OSBPL6: variants seen among roughly 807,000 people sequenced by gnomAD.
The protein encoded by OSBPL6 is oxysterol-binding protein-related protein 6.
Under a neutral mutation model 125.8 loss-of-function variants are expected in OSBPL6, and 49 were observed. That is an observed-to-expected ratio of 0.39 (90% CI 0.31 to 0.49). The LOEUF (loss-of-function observed/expected upper bound fraction) is 0.49, where lower values mean the gene tolerates loss of function less well. Among genes scored for constraint, OSBPL6 ranks in the 20% least tolerant of loss-of-function variants. The probability of loss-of-function intolerance (pLI) is 0.88; values close to 1 mark genes in which losing one functional copy is unlikely to be tolerated. For missense variants in OSBPL6, 986 were observed against 1,135.4 expected (o/e 0.87, Z 1.89); for synonymous variants, 394 against 391.8 (o/e 1.01, Z -0.07).
intron 1 of OSBPL6, among the ~76,000 whole-genome samples, chr2:178,198,028 A>G (rs75575611): frequency 0.019 from 2,850 of 152,248 alleles, 85 homozygotes; most frequent in African/African-American, 0.065. Flanking sequence ...AAATGATATG[A>G]ACAGAAGTTG....
chr2:178,234,019 CT>C (rs1385774398), intron 1 of OSBPL6, among the ~76,000 whole-genome samples: 1 of 151,946 alleles, frequency 6.6e-6, no homozygotes, highest in Non-Finnish European at 1.5e-5. Context: ...CTTTATTCAG[CT>C]ATTTAATAAT....
At chr2:178,213,217 AC>A (rs898025119) in intron 1 of OSBPL6, among the ~76,000 whole-genome samples, 1 of 151,722 alleles carries the variant, frequency 6.6e-6, no homozygotes, top group Non-Finnish European at 1.5e-5. Context: ...CTCACTCCAT[AC>A]TGCCTCCCTG....
intron 1 of OSBPL6, among the ~76,000 whole-genome samples, chr2:178,278,818 A>G (rs1346300394): frequency 6.6e-6 from 1 of 152,216 alleles, no homozygotes; most frequent in African/African-American, 2.4e-5. Context: ...AAAAAAGCAA[A>G]ATGATTATCT....
At chr2:178,380,564 T>C (rs777469798) in intron 15 of OSBPL6, among the ~76,000 whole-genome samples, 5 of 150,814 alleles carry the variant, frequency 3.3e-5, no homozygotes, top group Non-Finnish European at 5.9e-5. Flanking sequence ...GAAAGATGGA[T>C]GATGTTCCCA....
chr2:178,208,946 G>T (rs1353592040), intron 1 of OSBPL6, among the ~76,000 whole-genome samples: 5 of 151,916 alleles, frequency 3.3e-5, no homozygotes. Context: ...TTCAAGGTTG[G>T]GAATAATTTT....
Position 178,324,216 on chromosome 2 carries a change from G to C in OSBPL6, c.142G>C (p.Glu48Gln), listed in dbSNP as rs138286651. ...ILERTASSST[E>Q]PSVSRQLLEP... ...GGAGAGGACTGCTTCCTCTAGCACC[G>C]AGCCCTCTGTAAGTCGGCAATTGCT... Residue 48 changes from glutamate to glutamine, a missense_variant, in exon 4 of 25, where the codon GAG becomes CAG. Coordinates refer to ENST00000190611, the MANE Select transcript of OSBPL6 (RefSeq NM_032523.4). 32 of 1,582,390 alleles carry C rather than the reference G, an allele frequency of 2.0e-5. No individual in the cohort carries two copies. The highest frequency in any genetic ancestry group is 2.6e-5 in the Non-Finnish European group (30 of 1,158,580).
At chr2:178,327,213 C>T (rs1688775594) in intron 4 of OSBPL6, among the ~76,000 whole-genome samples, 1 of 152,180 alleles carries the variant, frequency 6.6e-6, no homozygotes, top group Non-Finnish European at 1.5e-5. Context: ...GCCATTACTA[C>T]AATCTGAGTT....
rs1204524992 is a variant in OSBPL6 at position 178,395,979 on chromosome 2, TC to T, written c.*422del. 8 of 352,018 alleles carry T rather than the reference TC, an allele frequency of 2.3e-5. No homozygotes were observed. The highest frequency in any genetic ancestry group is 1.7e-4 in the African/African-American group (8 of 46,762). 21.8% of individuals were successfully genotyped at this position (352,018 alleles called of 1,614,324 possible). ...GAAGCACCATCCCCTATCGCAGGACTCCTGGGCCACAAGCAGTCGGTCAGTG... is the reference window on the plus strand; with the variant it reads ...GAAGCACCATCCCCTATCGCAGGACTCTGGGCCACAAGCAGTCGGTCAGTG... On this transcript the variant is annotated 3_prime_UTR_variant, in exon 25 of 25. Transcript: ENST00000190611.
chr2:178,286,290 A>G (rs1684689081), intron 2 of OSBPL6, among the ~76,000 whole-genome samples: 1 of 152,176 alleles, frequency 6.6e-6, no homozygotes, highest in Admixed American at 6.5e-5. Context: ...TGCATTCCCT[A>G]AATATTTAAC....
At chr2:178,317,633 A>G (rs778419735) in intron 3 of OSBPL6, among the ~76,000 whole-genome samples, 1 of 151,408 alleles carries the variant, frequency 6.6e-6, no homozygotes, top group Non-Finnish European at 1.5e-5. Context: ...AATATGATAT[A>G]TATATGAATG....
At chr2:178,333,449 G>C (rs181511567) in intron 8 of OSBPL6, among the ~76,000 whole-genome samples, 143 of 152,242 alleles carry the variant, frequency 9.4e-4, no homozygotes, top group African/African-American at 3.3e-3. Flanking sequence ...AGTCTCATTT[G>C]GGAAAACCAG....
chr2:178,207,771 G>A (rs940657822), intron 1 of OSBPL6, among the ~76,000 whole-genome samples: 5 of 152,134 alleles, frequency 3.3e-5, no homozygotes, highest in African/African-American at 1.2e-4. Flanking sequence ...TATTTTGAAA[G>A]AAACTTGAGG....
At chr2:178,327,373 A>T (rs917875129) in intron 4 of OSBPL6, among the ~76,000 whole-genome samples, 1 of 152,152 alleles carries the variant, frequency 6.6e-6, no homozygotes, top group African/African-American at 2.4e-5. Flanking sequence ...TAAAAATATT[A>T]TTCTTCCAGA....
chr2:178,378,991 C>A (rs767972600), intron 15 of OSBPL6, among the ~76,000 whole-genome samples: 2 of 151,832 alleles, frequency 1.3e-5, no homozygotes, highest in Non-Finnish European at 2.9e-5. Flanking sequence ...ACAGGGAGCC[C>A]CCACCTCTAC....
intron 1 of OSBPL6, among the ~76,000 whole-genome samples, chr2:178,269,460 G>A (rs1326295090): frequency 1.3e-5 from 2 of 152,228 alleles, no homozygotes; most frequent in Non-Finnish European, 2.9e-5. Flanking sequence ...TTTAGAAGAT[G>A]TTGCCAAACA....
chr2:178,386,492 G>A (rs991197822), intron 19 of OSBPL6, among the ~76,000 whole-genome samples: 3 of 152,044 alleles, frequency 2.0e-5, no homozygotes, highest in Non-Finnish European at 4.4e-5. Flanking sequence ...TGTATTTGGA[G>A]ATTTTTTTTA....
At chr2:178,265,931 G>A (rs2092219210) in intron 1 of OSBPL6, among the ~76,000 whole-genome samples, 2 of 152,160 alleles carry the variant, frequency 1.3e-5, no homozygotes, top group Admixed American at 6.6e-5. Flanking sequence ...TGCAAACTGT[G>A]ATAAATGCTG....
intron 13 of OSBPL6, 50 bp from the exon 14 acceptor site, chr2:178,372,076 A>T (rs1445600590): frequency 7.3e-7 from 1 of 1,370,100 alleles, no homozygotes; most frequent in Non-Finnish European, 1.0e-6. Context: ...GTTCTGTTTT[A>T]TGCTTGCTTA....
At chr2:178,338,856 A>G in intron 9 of OSBPL6, 135 bp from the exon 10 acceptor site, 2 of 605,278 alleles carry the variant, frequency 3.3e-6, no homozygotes, top group East Asian at 5.9e-5. Flanking sequence ...GTTTTGTTTC[A>G]CCTGCCAGTA....
Sources: gnomAD v4.1 joint callset for allele counts (sites outside exome capture counted in the v4.1 genomes callset) on GRCh38, gnomAD v4.1.1 for gene constraint, MANE v1.5 for transcripts, NCBI Gene and HGNC (gene_info 2026-07-23, HGNC 2026-07-21) for gene names.